Variants in CMTR1 observed in about 807,000 individuals in gnomAD.
CMTR1 encodes cap-specific mRNA (nucleoside-2'-O-)-methyltransferase 1.
CMTR1 carries 39 observed loss-of-function variants against 107.0 expected under a neutral mutation model. That is an observed-to-expected ratio of 0.36 (90% CI 0.28 to 0.48). The LOEUF is 0.48. Ranked by LOEUF, CMTR1 falls within the 20% of genes least tolerant of loss-of-function variation. The pLI, the probability that CMTR1 is intolerant of heterozygous loss-of-function variation, is 0.99. For synonymous variants in CMTR1, 366 were observed against 379.5 expected, an observed-to-expected ratio of 0.96 and a Z score of 0.41; for missense variants, 672 against 1,064.9, an observed-to-expected ratio of 0.63 and a Z score of 5.14.
At chr6:37,476,476 C>T (rs1009211784) in intron 20 of CMTR1, among the ~76,000 whole-genome samples, 2 of 152,190 alleles carry the variant, frequency 1.3e-5, no homozygotes, top group Non-Finnish European at 1.5e-5. Context: ...CATGAATACC[C>T]GTTCCCACTT....
chr6:37,474,343 G>C (rs569562940), intron 17 of CMTR1, among the ~76,000 whole-genome samples, 181 bp from the exon 18 acceptor site: 44 of 152,296 alleles, frequency 2.9e-4, no homozygotes, highest in Admixed American at 9.2e-4. Context: ...CTGAGGCACT[G>C]GAGAACACTA....
Position 37,481,366 on chromosome 6 carries a change from C to T in CMTR1, c.*1221C>T. On this transcript the variant is annotated 3_prime_UTR_variant, in exon 24 of 24. Transcript: ENST00000373451. ...TCCCGTGAGGTTGGAATCGACTTCA[C>T]CATGGGGGTCCTTCAGCCAGCATCC... is the stretch of plus-strand genomic sequence containing the variant. The T allele has an allele frequency of 3.4e-6, 4 of 1,189,188 alleles. No individual in the cohort carries two copies. Among genetic ancestry groups the T allele is most frequent in the South Asian group, 3.2e-5 (2 of 63,262 alleles). 73.7% of individuals were successfully genotyped at this position (1,189,188 alleles called of 1,614,324 possible).
chr6:37,473,929 ACAC>A (rs1176995150), intron 17 of CMTR1, among the ~76,000 whole-genome samples: 2 of 152,126 alleles, frequency 1.3e-5, no homozygotes, highest in Non-Finnish European at 2.9e-5. Context: ...TTCCTTTGCA[ACAC>A]CACCACCACC....
intron 2 of CMTR1, among the ~76,000 whole-genome samples, chr6:37,441,600 G>C (rs1311140873): frequency 2.0e-5 from 3 of 151,974 alleles, no homozygotes; most frequent in Non-Finnish European, 4.4e-5. Flanking sequence ...TTTTAGTAGA[G>C]ACAGGGTTTC....
chr6:37,462,714 C>CT, intron 12 of CMTR1, 115 bp from the exon 13 acceptor site: 1 of 925,294 alleles, frequency 1.1e-6, no homozygotes, highest in Admixed American at 2.0e-5. Flanking sequence ...TGTGCGTAGG[C>CT]CTAAGGTTGA....
chr6:37,439,128 A>AT (rs1249187625), intron 2 of CMTR1, among the ~76,000 whole-genome samples: 1 of 152,198 alleles, frequency 6.6e-6, no homozygotes, highest in Non-Finnish European at 1.5e-5. Flanking sequence ...TGGTAGCTGC[A>AT]TTGCCAGGTC....
chr6:37,471,151 G>GT, intron 14 of CMTR1, 74 bp downstream of exon 14: 3 of 1,357,478 alleles, frequency 2.2e-6, no homozygotes, highest in East Asian at 2.4e-5. Context: ...CAAGCTGTTT[G>GT]TTTTTTTCAT....
chr6:37,479,871 C>A, intron 23 of CMTR1, 142 bp from the exon 24 acceptor site: 1 of 796,044 alleles, frequency 1.3e-6, no homozygotes, highest in Non-Finnish European at 1.9e-6. Context: ...GAGTTAGGGC[C>A]TACCGGGTAC....
At chr6:37,476,384 C>T (rs2113895723) in intron 20 of CMTR1, among the ~76,000 whole-genome samples, 190 bp downstream of exon 20, 1 of 152,288 alleles carries the variant, frequency 6.6e-6, no homozygotes. Flanking sequence ...CCCATCCTGC[C>T]TGGCAGTGGG....
chr6:37,481,158 C>G lies in CMTR1; in HGVS notation c.*1013C>G, dbSNP rs1761847500. The G allele has an allele frequency of 1.5e-6, 2 of 1,303,870 alleles. No individual in the cohort carries two copies. The highest frequency in any genetic ancestry group is 2.0e-6 in the Non-Finnish European group (2 of 988,926). 80.8% of individuals were successfully genotyped at this position (1,303,870 alleles called of 1,614,324 possible). A position where few individuals can be genotyped will look rare whatever the true frequency, so the allele number is the denominator to read the frequency against. On this transcript the variant is annotated 3_prime_UTR_variant, in exon 24 of 24. Transcript: ENST00000373451. ...GCTTTTGTTTGTCGTTAAGTGGTCA[C>G]TCCCATTTCCTTTATCTTGGCCGAC...
intron 13 of CMTR1, among the ~76,000 whole-genome samples, chr6:37,463,669 G>T (rs938417418): frequency 3.3e-5 from 5 of 152,132 alleles, no homozygotes; most frequent in African/African-American, 1.2e-4. Flanking sequence ...TGTTGGAAAG[G>T]CCTTAGTTAA....
At position 37,461,573 on chromosome 6, in the gene CMTR1, A is replaced by G; in HGVS notation, c.1120A>G (p.Asn374Asp). ...GGGTTTCTCGGTGGAGGGGCAGGAG[A>G]ACCTGCAGGAGATCCTCAGCAAGCA... is the stretch of plus-strand genomic sequence containing the variant. The part of the protein sequence containing the change: ...DGGFSVEGQE[N>D]LQEILSKQLL... Residue 374 changes from asparagine to aspartate, a missense_variant, in exon 11 of 24, where the codon AAC becomes GAC. Asn to Asp is a conservative substitution (Grantham distance 23). This residue lies in a region of CMTR1 where 583 missense variants were observed against 968.4 expected (regional missense o/e 0.60). Transcript: ENST00000373451. 1 of 1,597,164 alleles carries G rather than the reference A, an allele frequency of 6.3e-7. No homozygotes were observed.
At chr6:37,441,135 A>T (rs899515641) in intron 2 of CMTR1, among the ~76,000 whole-genome samples, 7 of 152,148 alleles carry the variant, frequency 4.6e-5, no homozygotes, top group African/African-American at 1.2e-4. Flanking sequence ...CTGTTTCTGT[A>T]TTAAGTAGTA....
rs1251186733 is a variant in CMTR1 at position 37,475,438 on chromosome 6, A to AGGGTGG, written c.2036+31_2036+36dup. 4 of 775,044 alleles carry AGGGTGG rather than the reference A, an allele frequency of 5.2e-6. No individual in the cohort carries two copies. The South Asian group carries it at 5.4e-5, about 10-fold the overall frequency. The allele number at this position is 775,044 out of a possible 1,614,324, so 48.0% of individuals were successfully genotyped here. ...GTCTGACCTGGGCCCCAGGGTAGGG[A>AGGGTGG]GGGTGGGGGTAGGCCAGGGCAGCTT... is the stretch of plus-strand genomic sequence containing the variant. On this transcript the variant is annotated intron_variant, in intron 19 of 23. Coordinates refer to ENST00000373451, the MANE Select transcript of CMTR1 (RefSeq NM_015050.3).
Position 37,473,575 on chromosome 6 carries a change from G to T in CMTR1, c.1795G>T (p.Glu599Ter). 1 of 1,614,074 alleles carries T rather than the reference G, an allele frequency of 6.2e-7. No individual in the cohort carries two copies. The highest frequency in any genetic ancestry group is 1.1e-5 in the South Asian group (1 of 91,056). Reference protein sequence around the residue: ...FDYRCMVSGSEQKFLIGLGKS... With the variant: ...FDYRCMVSGS The stretch of plus-strand genomic sequence containing the variant: ...CTACCGCTGCATGGTATCTGGCAGT[G>T]AGCAGAAGTTCCTCATCGGCCTGGG... Residue 599 changes from glutamate to a stop codon, truncating the protein, a stop_gained, in exon 17 of 24, where the codon GAG (glutamate) becomes TAG (stop). Transcript: ENST00000373451. LOFTEE classifies it high-confidence loss of function.
intron 3 of CMTR1, among the ~76,000 whole-genome samples, chr6:37,445,971 C>T (rs376936838): frequency 2.6e-5 from 4 of 152,170 alleles, no homozygotes; most frequent in African/African-American, 9.7e-5. Flanking sequence ...GTCTGCTTCT[C>T]ACTTAATCAG....
chr6:37,466,075 A>AATC lies in CMTR1; in HGVS notation c.1505+3068_1505+3070dup, dbSNP rs574893267. Among the ~76,000 whole-genome samples the AATC allele has an allele frequency of 1.6e-4, 24 of 149,830 alleles. No individual in the cohort carries two copies. The East Asian group carries it at 4.3e-3, about 27-fold the overall frequency. ...AATCATTGTTAAATTCAATGTCATTAATCTTTCCTCTATGTTTTTAAAGAG... is the reference window on the plus strand; with the variant it reads ...AATCATTGTTAAATTCAATGTCATTAATCATCTTTCCTCTATGTTTTTAAAGAG... On this transcript the variant is annotated intron_variant, in intron 13 of 23. Coordinates refer to ENST00000373451, the MANE Select transcript of CMTR1 (RefSeq NM_015050.3).
intron 2 of CMTR1, among the ~76,000 whole-genome samples, chr6:37,437,124 A>G (rs1014720236): frequency 1.3e-5 from 2 of 152,036 alleles, no homozygotes; most frequent in African/African-American, 4.8e-5. Context: ...CTTTAAAGCA[A>G]GCTTGTCCAA....
chr6:37,436,759 G>T (rs1771538752), intron 2 of CMTR1, among the ~76,000 whole-genome samples: 1 of 152,122 alleles, frequency 6.6e-6, no homozygotes, highest in Admixed American at 6.6e-5. Flanking sequence ...AATCTGGAAA[G>T]ACCCTATTTC....
Sources: allele counts gnomAD v4.1 joint callset (sites outside exome capture counted in the v4.1 genomes callset), GRCh38; gene constraint gnomAD v4.1.1; regional missense constraint gnomAD v4.1.1; transcripts MANE v1.5; gene names NCBI Gene and HGNC (gene_info 2026-07-23, HGNC 2026-07-21).